Variants in SBF2 observed in about 807,000 individuals in gnomAD.
SBF2 encodes SET binding factor 2.
In SBF2, 112 loss-of-function variants were observed where a neutral mutation model predicts 225.2. That is an observed-to-expected ratio of 0.50 (90% CI 0.43 to 0.58). The LOEUF is 0.58. Ranked by LOEUF, SBF2 falls within the 20% of genes least tolerant of loss-of-function variation. The probability of loss-of-function intolerance (pLI) is 0.00; values close to 1 mark genes in which losing one functional copy is unlikely to be tolerated. For missense variants in SBF2, 1,996 were observed against 2,206.2 expected (o/e 0.90, Z 1.91); for synonymous variants, 763 against 773.3 (o/e 0.99, Z 0.22).
At chr11:9,797,086 G>A (rs1853170953) in intron 32 of SBF2, among the ~76,000 whole-genome samples, 1 of 152,164 alleles carries the variant, frequency 6.6e-6, no homozygotes, top group South Asian at 2.1e-4. Context: ...TCAAAAGCTG[G>A]TTCAAATTAA....
chr11:9,950,707 C>T (rs564023180), intron 16 of SBF2, among the ~76,000 whole-genome samples: 17 of 152,184 alleles, frequency 1.1e-4, no homozygotes, highest in Middle Eastern at 3.4e-3. Context: ...GATTACTGTG[C>T]ACAAAGACAT....
At chr11:9,924,979 G>A (rs1385537663) in intron 16 of SBF2, among the ~76,000 whole-genome samples, 2 of 151,298 alleles carry the variant, frequency 1.3e-5, no homozygotes, top group African/African-American at 4.9e-5. Context: ...GAACTCCTGG[G>A]CTCAAGCAGT....
chr11:9,944,389 T>C (rs1177070471), intron 16 of SBF2, among the ~76,000 whole-genome samples: 1 of 152,188 alleles, frequency 6.6e-6, no homozygotes. Flanking sequence ...TAATAAATAC[T>C]ACAGATTTCA....
At position 10,224,751 on chromosome 11, in the gene SBF2, T is replaced by C. The variant is rs1037352328; in HGVS notation, c.56-30764A>G. The stretch of plus-strand genomic sequence containing the variant: ...CCTACCCTGACCACCTTGTTGAAAA[T>C]AGATTTTCCATTATCTAACACTATA... On this transcript the variant is annotated intron_variant, in intron 1 of 39. Transcript: ENST00000256190. Among the ~76,000 whole-genome samples the C allele has an allele frequency of 9.2e-5, 14 of 152,164 alleles. 1 individual carries two copies. In the South Asian group the frequency reaches 1.2e-3, roughly 13 times the overall value.
chr11:9,943,171 TG>T (rs1472155098), intron 16 of SBF2, among the ~76,000 whole-genome samples: 1 of 152,184 alleles, frequency 6.6e-6, no homozygotes. Context: ...CTGGGGCAAT[TG>T]GTTATTCATT....
At chr11:10,175,739 C>A (rs1956434797) in intron 2 of SBF2, among the ~76,000 whole-genome samples, 1 of 151,772 alleles carries the variant, frequency 6.6e-6, no homozygotes, top group African/African-American at 2.4e-5. Context: ...ACACCTATTC[C>A]AAAACTGACC....
At chr11:9,998,151 T>C in intron 9 of SBF2, 115 bp downstream of exon 9, 1 of 676,942 alleles carries the variant, frequency 1.5e-6, no homozygotes. Flanking sequence ...GTTTCAAATA[T>C]ATAGCTCTCT....
intron 32 of SBF2, 145 bp from the exon 33 acceptor site, chr11:9,796,102 T>C (rs1439691046): frequency 4.8e-6 from 4 of 833,774 alleles, no homozygotes; most frequent in Admixed American, 4.3e-5. Flanking sequence ...TAAGTAGAGA[T>C]GGGAAGGGAA....
chr11:9,910,618 G>A (rs1175065899), intron 16 of SBF2, among the ~76,000 whole-genome samples: 4 of 151,942 alleles, frequency 2.6e-5, no homozygotes, highest in Non-Finnish European at 5.9e-5. Flanking sequence ...GTGGAAGACA[G>A]TGATATGGAT....
At chr11:9,790,439 G>T in intron 34 of SBF2, 117 bp downstream of exon 34, 1 of 824,854 alleles carries the variant, frequency 1.2e-6, no homozygotes, top group Non-Finnish European at 1.9e-6. Context: ...ATAGCTTTTT[G>T]GTATGAAACC....
intron 4 of SBF2, 22 bp downstream of exon 4, chr11:10,031,026 A>G: frequency 1.3e-6 from 2 of 1,592,988 alleles, no homozygotes; most frequent in Non-Finnish European, 1.7e-6. Context: ...CAAATTAATA[A>G]TGATAACTAT....
intron 16 of SBF2, among the ~76,000 whole-genome samples, chr11:9,916,519 GATAGTAAC>G (rs1311563173): frequency 6.6e-6 from 1 of 152,012 alleles, no homozygotes; most frequent in Non-Finnish European, 1.5e-5. Flanking sequence ...AGGTGGTCAG[GATAGTAAC>G]ATGAAAGCGG....
At chr11:10,002,750 CAT>C (rs1948026675) in intron 6 of SBF2, 61 bp from the exon 7 acceptor site, 1 of 1,510,202 alleles carries the variant, frequency 6.6e-7, no homozygotes, top group Admixed American at 1.7e-5. Flanking sequence ...TGTCAACAAT[CAT>C]AGACAGTATA....
chr11:10,279,157 A>T (rs561487970), intron 1 of SBF2, among the ~76,000 whole-genome samples: 2 of 148,374 alleles, frequency 1.3e-5, no homozygotes. Context: ...CATGCCTGTA[A>T]TCTCAGCACT....
intron 2 of SBF2, among the ~76,000 whole-genome samples, chr11:10,098,650 A>ATATATATAT (rs1952142473): frequency 6.7e-6 from 1 of 150,026 alleles, no homozygotes; most frequent in African/African-American, 2.5e-5. Flanking sequence ...CAATATATCA[A>ATATATATAT]CAAAATACAA....
At chr11:10,129,186 C>A (rs1214106166) in intron 2 of SBF2, among the ~76,000 whole-genome samples, 1 of 149,900 alleles carries the variant, frequency 6.7e-6, no homozygotes, top group Non-Finnish European at 1.5e-5. Flanking sequence ...TTACTGCAAC[C>A]TCGACCTCCC....
rs180866647 is a variant in SBF2, at chr11:9,940,514, C to A, written c.1860+21443G>T. On this transcript the variant is annotated intron_variant, in intron 16 of 39. Coordinates refer to ENST00000256190, the MANE Select transcript of SBF2 (RefSeq NM_030962.4). ...AGCTGTGTAGTACCCAACAGGAGCACGTATACCATTAGTAAGCAGTTGTAG... is the reference window on the plus strand; with the variant it reads ...AGCTGTGTAGTACCCAACAGGAGCAAGTATACCATTAGTAAGCAGTTGTAG... Among the ~76,000 whole-genome samples the A allele has an allele frequency of 1.2e-4, 19 of 152,066 alleles. No individual in the cohort carries two copies. In the East Asian group the frequency reaches 3.7e-3, roughly 29 times the overall value.
chr11:9,943,606 A>G (rs1865406122), intron 16 of SBF2, among the ~76,000 whole-genome samples: 1 of 152,166 alleles, frequency 6.6e-6, no homozygotes, highest in African/African-American at 2.4e-5. Flanking sequence ...AAAACATGCA[A>G]AGCCAATGAA....
chr11:9,866,896 A>G (rs764883276), intron 17 of SBF2, among the ~76,000 whole-genome samples: 4 of 152,196 alleles, frequency 2.6e-5, no homozygotes, highest in South Asian at 2.1e-4. Flanking sequence ...GCAAACAAAC[A>G]AACAAAAAAA....
Sources: gnomAD v4.1 joint callset for allele counts (sites outside exome capture counted in the v4.1 genomes callset) on GRCh38, gnomAD v4.1.1 for gene constraint, MANE v1.5 for transcripts, NCBI Gene and HGNC (gene_info 2026-07-23, HGNC 2026-07-21) for gene names.